Variants in RASSF8 observed in about 807,000 individuals in gnomAD.
RASSF8 encodes Ras association domain family member 8.
RASSF8 carries 22 observed loss-of-function variants against 48.5 expected under a neutral mutation model. That is an observed-to-expected ratio of 0.45 (90% CI 0.32 to 0.65). RASSF8 has a LOEUF of 0.65. RASSF8 is among the 30% of genes least tolerant of loss of function. The pLI is 0.03. For missense variants in RASSF8, 418 were observed against 489.2 expected (o/e 0.85, Z 1.37); for synonymous variants, 127 against 171.5 (o/e 0.74, Z 2.03).
chr12:25,962,421 T>C (rs1941258282), intron 1 of RASSF8, among the ~76,000 whole-genome samples: 1 of 152,230 alleles, frequency 6.6e-6, no homozygotes, highest in African/African-American at 2.4e-5. Context: ...CTTTTGCTTC[T>C]GAATATTTAC....
In RASSF8 at chr12:26,006,810, G is replaced by A. The variant is rs540061311; in HGVS notation, c.-109+11680G>A. 3.5e-4 allele frequency among the ~76,000 whole-genome samples: 54 copies of A among 152,306 alleles called. No individual in the cohort carries two copies. The East Asian group carries it at 3.9e-3, about 11-fold the overall frequency. On this transcript the variant is annotated intron_variant, in intron 2 of 5. Coordinates refer to ENST00000689635, the MANE Select transcript of RASSF8 (RefSeq NM_001394098.1). ...GGAATAGTGGAACATGGGATGAAAC[G>A]AGGTCACATTCATCTTTCTTAGCTT... is the stretch of plus-strand genomic sequence containing the variant.
chr12:25,989,453 C>T (rs1941963787), intron 1 of RASSF8, among the ~76,000 whole-genome samples: 2 of 150,080 alleles, frequency 1.3e-5, no homozygotes. Context: ...ATGATGAATA[C>T]TTATCAAAAC....
intron 1 of RASSF8, among the ~76,000 whole-genome samples, chr12:25,960,828 C>T (rs764187766): frequency 2.4e-4 from 37 of 152,122 alleles, no homozygotes; most frequent in Non-Finnish European, 4.1e-4. Context: ...AATCATGGGG[C>T]TGTGCAGGCA....
intron 2 of RASSF8, among the ~76,000 whole-genome samples, chr12:26,017,831 G>A (rs1242557039): frequency 6.6e-6 from 1 of 152,188 alleles, no homozygotes; most frequent in African/African-American, 2.4e-5. Context: ...TTCACATGGA[G>A]TGACTATCTA....
chr12:25,968,381 C>T (rs1175669985), intron 1 of RASSF8, among the ~76,000 whole-genome samples: 1 of 152,102 alleles, frequency 6.6e-6, no homozygotes, highest in Non-Finnish European at 1.5e-5. Flanking sequence ...CTCGCTCTGT[C>T]GCCCAGGCTG....
intron 2 of RASSF8, among the ~76,000 whole-genome samples, chr12:26,005,797 T>C (rs1942377113): frequency 6.6e-6 from 1 of 152,214 alleles, no homozygotes; most frequent in Non-Finnish European, 1.5e-5. Flanking sequence ...TTCTTTTACT[T>C]TCTCCCAGAT....
At chr12:26,054,950 AAAAC>A (rs1271227058) in intron 2 of RASSF8, among the ~76,000 whole-genome samples, 1 of 152,206 alleles carries the variant, frequency 6.6e-6, no homozygotes, top group Non-Finnish European at 1.5e-5. Flanking sequence ...ACAGGACAGA[AAAAC>A]AGCGCATATA....
intron 2 of RASSF8, among the ~76,000 whole-genome samples, chr12:26,017,863 C>T (rs61914239): frequency 0.13 from 19,278 of 152,222 alleles, 1,280 homozygotes; most frequent in Non-Finnish European, 0.14. Context: ...TTTAAGGGTC[C>T]AGATCCATTT....
chr12:25,960,705 G>C (rs368633249), intron 1 of RASSF8, among the ~76,000 whole-genome samples: 37 of 152,086 alleles, frequency 2.4e-4, no homozygotes, highest in African/African-American at 8.2e-4. Context: ...GGTACTTTCT[G>C]TGATGGACAC....
chr12:25,984,729 A>G (rs1183566324), intron 1 of RASSF8, among the ~76,000 whole-genome samples: 3 of 152,222 alleles, frequency 2.0e-5, no homozygotes, highest in Non-Finnish European at 4.4e-5. Context: ...TGGATTAAGA[A>G]GGGTCACAAA....
chr12:26,037,698 A>T (rs1388201117), intron 2 of RASSF8, among the ~76,000 whole-genome samples: 1 of 152,240 alleles, frequency 6.6e-6, no homozygotes, highest in African/African-American at 2.4e-5. Context: ...TTGCATGGAT[A>T]GCCTTTATGT....
intron 1 of RASSF8, among the ~76,000 whole-genome samples, chr12:25,967,804 G>C (rs1941392778): frequency 6.6e-6 from 1 of 152,170 alleles, no homozygotes; most frequent in South Asian, 2.1e-4. Context: ...TCTGCTCTCT[G>C]GGGAGGACAG....
chr12:26,011,713 G>A (rs1229022193), intron 2 of RASSF8: 1 of 152,164 alleles, frequency 6.6e-6, no homozygotes, highest in Non-Finnish European at 1.5e-5. Context: ...TCCGCCATGG[G>A]AGGACACAGC....
downstream of RASSF8, among the ~76,000 whole-genome samples, chr12:26,075,236 G>C (rs1446509984): frequency 1.3e-5 from 2 of 152,222 alleles, no homozygotes; most frequent in Non-Finnish European, 2.9e-5. Context: ...AGCCTTAAAG[G>C]GTGGTGGAAA....
At chr12:26,031,612 C>T (rs1157287048) in intron 2 of RASSF8, among the ~76,000 whole-genome samples, 1 of 152,122 alleles carries the variant, frequency 6.6e-6, no homozygotes, top group African/African-American at 2.4e-5. Context: ...AGGTTTGGAA[C>T]TATTGCTGTT....
upstream of RASSF8, chr12:25,958,660 C>A (rs1321922097): frequency 6.8e-6 from 1 of 146,004 alleles, no homozygotes; most frequent in Non-Finnish European, 1.5e-5. Context: ...CCCGGCCCGG[C>A]CCCCAGCCCG....
At chr12:26,009,063 G>A (rs550949108) in intron 2 of RASSF8, among the ~76,000 whole-genome samples, 1 of 152,268 alleles carries the variant, frequency 6.6e-6, no homozygotes, top group South Asian at 2.1e-4. Flanking sequence ...GATTTCTGTA[G>A]CAGCATTCCC....
intron 2 of RASSF8, among the ~76,000 whole-genome samples, chr12:26,015,311 T>G (rs1293528206): frequency 2.6e-5 from 4 of 152,184 alleles, no homozygotes; most frequent in Non-Finnish European, 5.9e-5. Flanking sequence ...AGGAGCACTT[T>G]GTCATGGAGA....
Position 26,064,447 on chromosome 12 carries a change from T to G in RASSF8, c.104-51T>G, listed in dbSNP as rs774404987. 4.2e-6 allele frequency: 6 copies of G among 1,440,546 alleles called. No homozygotes were observed. In the African/African-American group the frequency reaches 7.1e-5, roughly 17 times the overall value. 89.2% of individuals were successfully genotyped at this position (1,440,546 alleles called of 1,614,324 possible). A position where few individuals can be genotyped will look rare whatever the true frequency, so the allele number is the denominator to read the frequency against. ...CAAATGGCATTCTTACTCCATTTTTTAACTATTACATATCCCATTTTGACA... is the reference window on the plus strand; with the variant it reads ...CAAATGGCATTCTTACTCCATTTTTGAACTATTACATATCCCATTTTGACA... On this transcript the variant is annotated intron_variant, in intron 3 of 5. Transcript: ENST00000689635.
Sources: gnomAD v4.1 joint callset for allele counts (sites outside exome capture counted in the v4.1 genomes callset) on GRCh38, gnomAD v4.1.1 for gene constraint, MANE v1.5 for transcripts, NCBI Gene and HGNC (gene_info 2026-07-23, HGNC 2026-07-21) for gene names.